RFX7: variants seen among roughly 807,000 people sequenced by gnomAD.
The protein encoded by RFX7 is DNA-binding protein RFX7.
A neutral mutation model predicts 111.8 loss-of-function variants in RFX7; 26 were observed. That is an observed-to-expected ratio of 0.23 (90% CI 0.17 to 0.32). The LOEUF (loss-of-function observed/expected upper bound fraction) is 0.32. Among genes scored for constraint, RFX7 ranks in the 10% least tolerant of loss-of-function variants. The pLI is 1.00. For missense variants in RFX7, 1,573 were observed against 1,772.9 expected (o/e 0.89, Z 2.02); for synonymous variants, 624 against 624.4 (o/e 1.00, Z 0.01).
chr15:56,109,923 C>A (rs576689948), intron 5 of RFX7, among the ~76,000 whole-genome samples: 1 of 150,148 alleles, frequency 6.7e-6, no homozygotes, highest in South Asian at 2.1e-4. Flanking sequence ...ATGGGGGGGT[C>A]AGACCCTCGC....
intron 3 of RFX7, among the ~76,000 whole-genome samples, chr15:56,153,643 C>G (rs1003070938): frequency 6.6e-6 from 1 of 152,302 alleles, no homozygotes; most frequent in Non-Finnish European, 1.5e-5. Flanking sequence ...GAACTTATCT[C>G]AAAATAATAA....
chr15:56,215,000 G>T (rs2043349656), intron 2 of RFX7, among the ~76,000 whole-genome samples: 1 of 152,012 alleles, frequency 6.6e-6, no homozygotes, highest in Non-Finnish European at 1.5e-5. Flanking sequence ...TAATTTTAAA[G>T]ACAGTGTTTT....
chr15:56,099,741 T>A (rs1479530322), intron 8 of RFX7, among the ~76,000 whole-genome samples: 1 of 152,218 alleles, frequency 6.6e-6, no homozygotes, highest in Admixed American at 6.5e-5. Flanking sequence ...ATTCTAAAAA[T>A]GTTTTGAGTA....
In RFX7 at chr15:56,216,583, A is replaced by G. The variant is rs1284672564; in HGVS notation, c.161+26542T>C. On this transcript the variant is annotated intron_variant, in intron 2 of 9. Coordinates refer to ENST00000559447, the MANE Select transcript of RFX7 (RefSeq NM_022841.7). ...AACCAAATTAGATGCTACTGACCCT[A>G]TCATACTTTAATTTTCTATTTAATC... Among the ~76,000 whole-genome samples the G allele has an allele frequency of 3.9e-5, 6 of 152,286 alleles. No homozygotes were observed. In the East Asian group the frequency reaches 9.6e-4, roughly 24 times the overall value.
In RFX7 at chr15:56,094,028, T is replaced by G; in HGVS notation, c.3700A>C (p.Thr1234Pro). Residue 1234 changes from threonine to proline, a missense_variant, in exon 10 of 10, where the codon ACA (threonine) becomes CCA (proline). Around this residue, in one of 7 missense-constraint regions of RFX7, gnomAD observed 411 missense variants for 478.1 expected, o/e 0.86. Coordinates refer to ENST00000559447, the MANE Select transcript of RFX7 (RefSeq NM_022841.7). ...TTCTGAAGAGCGTTTGGGAAGGCTG[T>G]CTGCATCATGACTGTCAATGGAACT... is the stretch of plus-strand genomic sequence containing the variant. ...QSVPLTVMMQ[T>P]AFPNALQKQA... 6.2e-7 allele frequency: 1 copy of G among 1,613,982 alleles called. No individual in the cohort carries two copies. The highest frequency in any genetic ancestry group is 1.7e-5 in the Admixed American group (1 of 60,026).
At chr15:56,105,015 A>G (rs2041811641) in intron 5 of RFX7, among the ~76,000 whole-genome samples, 1 of 152,234 alleles carries the variant, frequency 6.6e-6, no homozygotes, top group African/African-American at 2.4e-5. Flanking sequence ...CTGACAATGG[A>G]AATGAGCTGC....
intron 5 of RFX7, among the ~76,000 whole-genome samples, chr15:56,109,552 G>T (rs1286024013): frequency 2.7e-5 from 4 of 150,762 alleles, no homozygotes; most frequent in Non-Finnish European, 4.4e-5. Context: ...GCCCAGTCTG[G>T]AAAGTGAGGA....
chr15:56,197,762 T>A (rs1163893369), intron 2 of RFX7, among the ~76,000 whole-genome samples: 1 of 152,094 alleles, frequency 6.6e-6, no homozygotes, highest in African/African-American at 2.4e-5. Flanking sequence ...AACTATATAT[T>A]TGAACCACAG....
At chr15:56,148,803 C>A (rs956466542) in intron 3 of RFX7, among the ~76,000 whole-genome samples, 1 of 151,950 alleles carries the variant, frequency 6.6e-6, no homozygotes, top group Admixed American at 6.6e-5. Flanking sequence ...ATGTGTCGGC[C>A]GGGGGCAGTG....
At chr15:56,132,211 C>A (rs2042227182) in intron 5 of RFX7, among the ~76,000 whole-genome samples, 1 of 151,934 alleles carries the variant, frequency 6.6e-6, no homozygotes, top group Admixed American at 6.6e-5. Context: ...TTTTTAAAAT[C>A]AGAAAACTGA....
chr15:56,124,618 A>G (rs1687519553), intron 5 of RFX7, among the ~76,000 whole-genome samples: 1 of 152,164 alleles, frequency 6.6e-6, no homozygotes, highest in Non-Finnish European at 1.5e-5. Flanking sequence ...AGTGATGTTG[A>G]GCATTTTTCC....
intron 3 of RFX7, among the ~76,000 whole-genome samples, chr15:56,173,287 A>G (rs2042865418): frequency 6.6e-6 from 1 of 152,262 alleles, no homozygotes; most frequent in Non-Finnish European, 1.5e-5. Flanking sequence ...TGGCTGACAC[A>G]TGTTCCAGTT....
rs527290223 is a variant in RFX7 at position 56,095,770 on chromosome 15, G to A, written c.1958C>T (p.Thr653Ile). Residue 653 changes from threonine (T) to isoleucine (I), a missense_variant, in exon 10 of 10, where the codon ACT (threonine) becomes ATT (isoleucine). Physicochemically the swap from Thr to Ile is moderately conservative, Grantham distance 89. Around this residue, in one of 7 missense-constraint regions of RFX7, gnomAD observed 625 missense variants for 632.2 expected, o/e 0.99. Coordinates refer to ENST00000559447, the MANE Select transcript of RFX7 (RefSeq NM_022841.7). ...AGACAGTCGTTTTCTTGGGCTTTTA[G>A]TGCATAATTTAGGGTCTTTATTGAT... ...DSINKDPKLC[T>I]KSPRKRLSST... The A allele has an allele frequency of 4.3e-6, 7 of 1,613,828 alleles. No homozygotes were observed. Among genetic ancestry groups the A allele is most frequent in the Non-Finnish European group, 5.9e-6 (7 of 1,179,868 alleles).
In RFX7 at chr15:56,126,587, T is replaced by C. The variant is rs535383635; in HGVS notation, c.401+16191A>G. On this transcript the variant is annotated intron_variant, in intron 5 of 9. Transcript: ENST00000559447. ...AGTAATTACATTAAATGTAAATGGA[T>C]TAAATTCTCCAGTTAAAAGGCAGGG... is the stretch of plus-strand genomic sequence containing the variant. 3.9e-5 allele frequency among the ~76,000 whole-genome samples: 6 copies of C among 152,272 alleles called. No homozygotes were observed. The East Asian group carries it at 7.7e-4, about 20-fold the overall frequency.
intron 3 of RFX7, among the ~76,000 whole-genome samples, chr15:56,148,613 T>G (rs987823429): frequency 1.1e-4 from 16 of 152,162 alleles, no homozygotes; most frequent in Non-Finnish European, 2.4e-4. Context: ...ACTAGTAACA[T>G]GAAGCTAATT....
chr15:56,240,674 A>C (rs1236210142), intron 2 of RFX7, among the ~76,000 whole-genome samples: 1 of 152,168 alleles, frequency 6.6e-6, no homozygotes, highest in Non-Finnish European at 1.5e-5. Context: ...ATAATTTTTA[A>C]ATGTCACATT....
chr15:56,216,073 C>G (rs2043360446), intron 2 of RFX7, among the ~76,000 whole-genome samples: 1 of 152,166 alleles, frequency 6.6e-6, no homozygotes, highest in African/African-American at 2.4e-5. Context: ...ACCATGTCTG[C>G]TTTTCTTCTG....
chr15:56,242,600 A>T (rs1420606099), intron 2 of RFX7, among the ~76,000 whole-genome samples: 5 of 152,226 alleles, frequency 3.3e-5, no homozygotes, highest in African/African-American at 9.6e-5. Flanking sequence ...CTGAAAAAGA[A>T]ATTTAATATT....
intron 5 of RFX7, among the ~76,000 whole-genome samples, chr15:56,130,632 A>T (rs2042199417): frequency 6.6e-6 from 1 of 152,082 alleles, no homozygotes; most frequent in South Asian, 2.1e-4. Flanking sequence ...CCATTTAAAG[A>T]GTAAGAAAAA....
Sources: gnomAD v4.1 joint callset for allele counts (sites outside exome capture counted in the v4.1 genomes callset) on GRCh38, gnomAD v4.1.1 for gene constraint, gnomAD v4.1.1 regional missense constraint, MANE v1.5 for transcripts, NCBI Gene and HGNC (gene_info 2026-07-23, HGNC 2026-07-21) for gene names.